The following TCEANC2 variants were observed in gnomAD, a reference collection of about 807,000 sequenced individuals.
TCEANC2 encodes transcription elongation factor A N-terminal and central domain containing 2.
Under a neutral mutation model 22.8 loss-of-function variants are expected in TCEANC2, and 20 were observed. The observed-to-expected ratio is 0.88, with a 90% CI of 0.62 to 1.28. TCEANC2 has a LOEUF of 1.28. Ranked by LOEUF, TCEANC2 falls within the 50% of genes most tolerant of loss-of-function variation. The pLI is 0.00. For missense variants in TCEANC2, 251 were observed against 249.7 expected, an observed-to-expected ratio of 1.01 and a Z score of -0.03; for synonymous variants, 84 against 95.5, an observed-to-expected ratio of 0.88 and a Z score of 0.70.
In TCEANC2 at chr1:54,098,925, A is replaced by G. The variant is rs1274617383; in HGVS notation, c.*2452A>G. 1 of 152,368 alleles carries G rather than the reference A, an allele frequency of 6.6e-6. No homozygotes were observed. The highest frequency in any genetic ancestry group is 1.5e-5 in the Non-Finnish European group (1 of 68,072). The allele number at this position is 152,368 out of a possible 1,614,324, so 9.4% of individuals were successfully genotyped here. ...TATGGAAAAACCCAGAAGTGGAGAT[A>G]TCTGGAAGGTGATTGGTATGGCTGG... On this transcript the variant is annotated 3_prime_UTR_variant, in exon 5 of 5. Transcript: ENST00000234827.
intron 4 of TCEANC2, among the ~76,000 whole-genome samples, chr1:54,095,503 G>A (rs561149412): frequency 7.2e-5 from 11 of 152,302 alleles, no homozygotes; most frequent in South Asian, 2.1e-4. Context: ...GATTCAGACC[G>A]TGTAGACAAA....
chr1:54,080,566 C>G (rs1658221018), intron 3 of TCEANC2, among the ~76,000 whole-genome samples: 1 of 152,214 alleles, frequency 6.6e-6, no homozygotes, highest in South Asian at 2.1e-4. Context: ...TCAATACTAT[C>G]TTAGGACCCG....
At position 54,073,807 on chromosome 1, in the gene TCEANC2, G is replaced by T. The variant is rs370115983; in HGVS notation, c.244+4910G>T. On this transcript the variant is annotated intron_variant, in intron 3 of 4. Transcript: ENST00000234827. ...AACATCTGCATAAGAAATGAGAGTG[G>T]CCTGGATGGAGTATCAATCATGGGG... Among the ~76,000 whole-genome samples, 6 of 152,174 alleles carry T rather than the reference G, an allele frequency of 3.9e-5. No homozygotes were observed. The East Asian group carries it at 1.2e-3, about 29-fold the overall frequency.
At chr1:54,054,181 G>A in intron 1 of TCEANC2, 200 bp from the exon 2 acceptor site, 2 of 1,360,130 alleles carry the variant, frequency 1.5e-6, no homozygotes, top group Admixed American at 6.1e-5. Flanking sequence ...TCCTAACTCA[G>A]GACGTAGACT....
intron 3 of TCEANC2, among the ~76,000 whole-genome samples, chr1:54,069,478 C>T (rs191135347): frequency 1.7e-4 from 26 of 152,006 alleles, no homozygotes; most frequent in Middle Eastern, 3.4e-3. Flanking sequence ...CATGGTGGTC[C>T]GTGCCTGTAA....
In TCEANC2 at chr1:54,081,039, G is replaced by GTGGC. The variant is rs538073289; in HGVS notation, c.245-7558_245-7557insTGGC. 3.6e-4 allele frequency among the ~76,000 whole-genome samples: 55 copies of GTGGC among 152,286 alleles called. 1 individual carries two copies. In the East Asian group the frequency reaches 8.9e-3, roughly 25 times the overall value. On this transcript the variant is annotated intron_variant, in intron 3 of 4. Coordinates refer to ENST00000234827, the MANE Select transcript of TCEANC2 (RefSeq NM_153035.3). ...AGTAGAGGGTTAAAGCGTGGGCTCT[G>GTGGC]GAGCCAGACTGCTTATATATGAAAC...
intron 2 of TCEANC2, among the ~76,000 whole-genome samples, chr1:54,061,800 A>G (rs1657862273): frequency 6.6e-6 from 1 of 152,204 alleles, no homozygotes; most frequent in South Asian, 2.1e-4. Flanking sequence ...AGAGGTATAA[A>G]AATCTTGGAA....
chr1:54,107,468 G>A (rs190060946), downstream of TCEANC2, among the ~76,000 whole-genome samples: 124 of 152,080 alleles, frequency 8.2e-4, 1 homozygote, highest in East Asian at 0.019. Context: ...TTTGTTTTTG[G>A]AGGCAAGTCA....
Position 54,053,676 on chromosome 1 carries a change from T to C in TCEANC2, c.-125T>C, listed in dbSNP as rs1657674264. On this transcript the variant is annotated 5_prime_UTR_variant, in exon 1 of 5. Transcript: ENST00000234827. Reference sequence around the variant, plus strand: ...CCTGGGAGGAAGCGTCTGTTTAGTTTCAACACAGACGACTGGGCTTGGGAG... The same window carrying C: ...CCTGGGAGGAAGCGTCTGTTTAGTTCCAACACAGACGACTGGGCTTGGGAG... 6.4e-6 allele frequency: 1 copy of C among 157,238 alleles called. No individual in the cohort carries two copies. Among genetic ancestry groups the C allele is most frequent in the African/African-American group, 2.4e-5 (1 of 41,504 alleles). 9.7% of individuals were successfully genotyped at this position (157,238 alleles called of 1,614,324 possible). A position where few individuals can be genotyped will look rare whatever the true frequency, so the allele number is the denominator to read the frequency against.
At chr1:54,054,829 T>C (rs1034128105) in intron 2 of TCEANC2, among the ~76,000 whole-genome samples, 3 of 152,224 alleles carry the variant, frequency 2.0e-5, no homozygotes, top group Non-Finnish European at 4.4e-5. Flanking sequence ...AAGTACCAAA[T>C]ATGATTCTAT....
rs1013219453 is a variant in TCEANC2, at chr1:54,096,114, A to G, written c.439-171A>G. On this transcript the variant is annotated intron_variant, in intron 4 of 4. Coordinates refer to ENST00000234827, the MANE Select transcript of TCEANC2 (RefSeq NM_153035.3). This position sits in a 1 kb window ranked among gnomAD's most constrained non-coding sequence, Gnocchi z 4.9. The stretch of plus-strand genomic sequence containing the variant: ...CACAAAGCACATGGCCTTGTTCCTT[A>G]ATTGCCAGGGTGGAATTAATTTGCT... Among the ~76,000 whole-genome samples, 14 of 152,142 alleles carry G rather than the reference A, an allele frequency of 9.2e-5. No homozygotes were observed. The highest frequency in any genetic ancestry group is 3.4e-4 in the African/African-American group (14 of 41,428).
At chr1:54,074,329 G>A (rs1350544925) in intron 3 of TCEANC2, among the ~76,000 whole-genome samples, 1 of 152,168 alleles carries the variant, frequency 6.6e-6, no homozygotes, top group African/African-American at 2.4e-5. Flanking sequence ...TGGGCATGGT[G>A]GCGGACGCCT....
intron 2 of TCEANC2, among the ~76,000 whole-genome samples, chr1:54,067,715 A>G (rs895582620): frequency 5.3e-5 from 8 of 152,218 alleles, no homozygotes. Context: ...GCCAAGGGAG[A>G]GAGATAAGAC....
intron 3 of TCEANC2, among the ~76,000 whole-genome samples, chr1:54,072,524 G>A (rs576205626): frequency 6.6e-6 from 1 of 152,034 alleles, no homozygotes; most frequent in South Asian, 2.1e-4. Flanking sequence ...AGCCTCCCAA[G>A]TAGCTGGGAC....
At position 54,096,531 on chromosome 1, in the gene TCEANC2, G is replaced by A. The variant is rs1467288665; in HGVS notation, c.*58G>A. 6.5e-6 allele frequency: 10 copies of A among 1,537,378 alleles called. No homozygotes were observed. The highest frequency in any genetic ancestry group is 2.4e-5 in the South Asian group (2 of 82,292). On this transcript the variant is annotated 3_prime_UTR_variant, in exon 5 of 5. Coordinates refer to ENST00000234827, the MANE Select transcript of TCEANC2 (RefSeq NM_153035.3). This position sits in a 1 kb window ranked among gnomAD's most constrained non-coding sequence, Gnocchi z 4.9. ...AGAGGAAAATGGGCCTGTCTCTGCC[G>A]TTCAAAGACGCTTTTGAGTTTGGGT...
intron 2 of TCEANC2, 90 bp from the exon 3 acceptor site, chr1:54,068,666 A>G: frequency 7.6e-7 from 1 of 1,322,106 alleles, no homozygotes; most frequent in South Asian, 1.7e-5. Flanking sequence ...AATAATTCAT[A>G]TGTCAATAGG....
chr1:54,098,878 A>G lies in TCEANC2; in HGVS notation c.*2405A>G, dbSNP rs993186008. Reference sequence around the variant, plus strand: ...GTAATTAATTGGGTGGTTGAGATGCATGCCTGGCAGAGCAAGCAGAGTATG... The same window carrying G: ...GTAATTAATTGGGTGGTTGAGATGCGTGCCTGGCAGAGCAAGCAGAGTATG... On this transcript the variant is annotated 3_prime_UTR_variant, in exon 5 of 5. Coordinates refer to ENST00000234827, the MANE Select transcript of TCEANC2 (RefSeq NM_153035.3). The G allele has an allele frequency of 1.3e-5, 2 of 152,296 alleles. No individual in the cohort carries two copies. The highest frequency in any genetic ancestry group is 4.8e-5 in the African/African-American group (2 of 41,468). The allele number at this position is 152,296 out of a possible 1,614,324, so 9.4% of individuals were successfully genotyped here. A position where few individuals can be genotyped will look rare whatever the true frequency, so the allele number is the denominator to read the frequency against.
chr1:54,079,147 A>T (rs1434281757), intron 3 of TCEANC2, among the ~76,000 whole-genome samples: 1 of 152,120 alleles, frequency 6.6e-6, no homozygotes. Context: ...TTCTGGGAAA[A>T]GTTTTGTCAA....
chr1:54,055,213 C>T (rs927938957), intron 2 of TCEANC2, among the ~76,000 whole-genome samples: 3 of 152,166 alleles, frequency 2.0e-5, no homozygotes, highest in African/African-American at 7.2e-5. Context: ...GATCCACCCG[C>T]CTCTTGTCTC....
Sources: allele counts gnomAD v4.1 joint callset (sites outside exome capture counted in the v4.1 genomes callset), GRCh38; gene constraint gnomAD v4.1.1; non-coding constraint Gnocchi (gnomAD v3.1); transcripts MANE v1.5; gene names NCBI Gene and HGNC (gene_info 2026-07-23, HGNC 2026-07-21).